BLTP1: variants seen among roughly 807,000 people sequenced by gnomAD.
BLTP1 encodes fragile site-associated protein.
chr4:122,228,112 A>T, the BLTP1 span, among the ~76,000 whole-genome samples: 3 of 151,748 alleles, frequency 2.0e-5, no homozygotes, highest in African/African-American at 7.3e-5. Context: ...ATAGGGTTTC[A>T]CTGTGTTAGC....
chr4:122,309,501 TAAAA>T, the BLTP1 span: 1 of 1,561,022 alleles, frequency 6.4e-7, no homozygotes, highest in Admixed American at 1.8e-5. Flanking sequence ...GTTTAGAACT[TAAAA>T]AATAAAACAT....
the BLTP1 span, among the ~76,000 whole-genome samples, chr4:122,212,736 GTA>G: frequency 6.6e-6 from 1 of 152,274 alleles, no homozygotes; most frequent in South Asian, 2.1e-4. Context: ...CTCTGCAGAT[GTA>G]GCCATTGCTG....
chr4:122,298,960 C>T, the BLTP1 span: 3 of 985,194 alleles, frequency 3.0e-6, no homozygotes, highest in East Asian at 1.1e-4. Context: ...GGAGAAATGA[C>T]AGAAGATGAA....
the BLTP1 span, among the ~76,000 whole-genome samples, chr4:122,158,757 C>A: frequency 6.6e-6 from 1 of 151,778 alleles, no homozygotes; most frequent in African/African-American, 2.4e-5. Context: ...GGCAACACAG[C>A]GAGACTCCGT....
the BLTP1 span, among the ~76,000 whole-genome samples, chr4:122,213,396 A>T: frequency 6.6e-6 from 1 of 152,042 alleles, no homozygotes; most frequent in Non-Finnish European, 1.5e-5. Context: ...TTAGTACCTT[A>T]AAACTTTTTG....
chr4:122,258,872 T>G, the BLTP1 span: 519 of 1,455,668 alleles, frequency 3.6e-4, 5 homozygotes, highest in African/African-American at 6.8e-3. Flanking sequence ...TGGTTAGAGT[T>G]ATCCAGACTT....
the BLTP1 span, among the ~76,000 whole-genome samples, chr4:122,356,370 G>A: frequency 6.6e-6 from 1 of 152,146 alleles, no homozygotes; most frequent in Non-Finnish European, 1.5e-5. Flanking sequence ...TCTAAAACCA[G>A]TAAGTATAAT....
chr4:122,288,951 ACTTTT>A, the BLTP1 span: 1 of 1,033,350 alleles, frequency 9.7e-7, no homozygotes, highest in Non-Finnish European at 1.4e-6. Context: ...AATATTTTTA[ACTTTT>A]CTTCAATATA....
At chr4:122,265,439 G>A in the BLTP1 span, among the ~76,000 whole-genome samples, 7,590 of 152,112 alleles carry the variant, frequency 0.05, 270 homozygotes, top group Non-Finnish European at 0.075. Context: ...TTGAGTCCTT[G>A]GATGCAGAAC....
At chr4:122,318,311 C>T in the BLTP1 span, 1 of 1,552,774 alleles carries the variant, frequency 6.4e-7, no homozygotes, top group Non-Finnish European at 8.8e-7. Context: ...GACAAAACCA[C>T]CTGACTTTTT....
At chr4:122,197,891 T>C in the BLTP1 span, 2 of 796,996 alleles carry the variant, frequency 2.5e-6, no homozygotes, top group African/African-American at 3.7e-5. Flanking sequence ...ATTTATCAAA[T>C]TGTTATAACT....
chr4:122,285,654 C>T, the BLTP1 span, among the ~76,000 whole-genome samples: 1 of 152,036 alleles, frequency 6.6e-6, no homozygotes, highest in Non-Finnish European at 1.5e-5. Context: ...ATTTCTGGCT[C>T]AGTTGAGAGC....
At chr4:122,205,719 T>C in the BLTP1 span, among the ~76,000 whole-genome samples, 5 of 150,952 alleles carry the variant, frequency 3.3e-5, no homozygotes, top group East Asian at 7.7e-4. Context: ...TCTCTCTCTC[T>C]CTCTAAAGTC....
chr4:122,199,919 A>G, the BLTP1 span: 5 of 978,658 alleles, frequency 5.1e-6, no homozygotes, highest in East Asian at 1.1e-4. Flanking sequence ...AAGAGAAACA[A>G]TATGTAAATG....
the BLTP1 span, among the ~76,000 whole-genome samples, chr4:122,242,593 TATC>T: frequency 6.6e-6 from 1 of 152,212 alleles, no homozygotes; most frequent in Admixed American, 6.5e-5. Flanking sequence ...TTTTCCTTGT[TATC>T]ATTTATGGAT....
chr4:122,199,554 T>C, the BLTP1 span: 1 of 964,802 alleles, frequency 1.0e-6, no homozygotes, highest in African/African-American at 1.6e-5. Context: ...AAATGGTCCA[T>C]CTTCTAGTTC....
chr4:122,226,224 ATACTTAC>A, the BLTP1 span: 1 of 166,770 alleles, frequency 6.0e-6, no homozygotes, highest in Admixed American at 6.6e-5. Context: ...ATTATGATAT[ATACTTAC>A]TTAAGCTTCT....
the BLTP1 span, chr4:122,328,482 C>G: frequency 1.2e-6 from 1 of 809,770 alleles, no homozygotes; most frequent in Non-Finnish European, 1.8e-6. Flanking sequence ...GTGAGACTAA[C>G]AGACTCATTA....
chr4:122,290,942 T>C, the BLTP1 span: 1 of 729,086 alleles, frequency 1.4e-6, no homozygotes. Context: ...GAACTAATCT[T>C]GTATTTCTTA....
Sources: allele counts gnomAD v4.1 joint callset (sites outside exome capture counted in the v4.1 genomes callset), GRCh38; gene constraint gnomAD v4.1.1; transcripts MANE v1.5; gene names NCBI Gene and HGNC (gene_info 2026-07-23, HGNC 2026-07-21).